Variants in CLYBL observed in about 807,000 individuals in gnomAD.
CLYBL encodes the protein citramalyl-CoA lyase.
A neutral mutation model predicts 38.9 loss-of-function variants in CLYBL; 31 were observed. The ratio of observed to expected loss-of-function variants is 0.80; its 90% CI spans 0.60 to 1.08. The LOEUF (loss-of-function observed/expected upper bound fraction) is 1.08, where lower values mean the gene tolerates loss of function less well. Ranked by LOEUF, CLYBL falls within the 50% of genes least tolerant of loss-of-function variation. CLYBL has a pLI of 0.00. For missense variants in CLYBL, 434 were observed against 411.6 expected (o/e 1.05, Z -0.47); for synonymous variants, 171 against 158.6 (o/e 1.08, Z -0.59).
At chr13:99,698,928 G>A (rs2048019788) in intron 1 of CLYBL, among the ~76,000 whole-genome samples, 3 of 152,268 alleles carry the variant, frequency 2.0e-5, no homozygotes, top group South Asian at 2.1e-4. Context: ...ATAGCACACC[G>A]CCAGAAGGTG....
At chr13:99,901,302 A>G (rs932569842), downstream of CLYBL, among the ~76,000 whole-genome samples, 2 of 152,122 alleles carry the variant, frequency 1.3e-5, no homozygotes, top group African/African-American at 4.8e-5. Flanking sequence ...CTCCCCTTAC[A>G]ATTCCAAAAG....
chr13:99,747,357 G>A, intron 1 of CLYBL, among the ~76,000 whole-genome samples: 1 of 149,604 alleles, frequency 6.7e-6, no homozygotes, highest in East Asian at 2.0e-4. Flanking sequence ...GCTCTCAAAT[G>A]CCCTCTCCCC....
chr13:99,739,719 A>G (rs995942964), intron 1 of CLYBL, among the ~76,000 whole-genome samples: 1 of 152,232 alleles, frequency 6.6e-6, no homozygotes, highest in African/African-American at 2.4e-5. Context: ...CACGCCGGTA[A>G]TCCCAGCACT....
At chr13:99,781,754 A>T (rs1019485497) in intron 2 of CLYBL, among the ~76,000 whole-genome samples, 1 of 152,190 alleles carries the variant, frequency 6.6e-6, no homozygotes, top group Non-Finnish European at 1.5e-5. Flanking sequence ...CGAGGATTAC[A>T]GGTGTGATCT....
chr13:99,725,587 A>G (rs144799062), intron 1 of CLYBL, among the ~76,000 whole-genome samples: 306 of 152,338 alleles, frequency 2.0e-3, no homozygotes, highest in Non-Finnish European at 3.1e-3. Context: ...TCAGTGGGAA[A>G]TGTTAACTGT....
At chr13:99,785,690 A>G (rs2181608) in intron 2 of CLYBL, among the ~76,000 whole-genome samples, 126,324 of 151,636 alleles carry the variant, frequency 0.83, 53,209 homozygotes, top group African/African-American at 0.96. Flanking sequence ...TCTGCCTCCC[A>G]GGTTCAAGCA....
At chr13:99,723,889 T>C (rs915181011) in intron 1 of CLYBL, among the ~76,000 whole-genome samples, 13 of 152,304 alleles carry the variant, frequency 8.5e-5, no homozygotes, top group Non-Finnish European at 1.9e-4. Context: ...GTACCAACAT[T>C]TAATTGTTTT....
At chr13:99,633,289 C>T (rs916917597) in intron 1 of CLYBL, among the ~76,000 whole-genome samples, 1 of 150,226 alleles carries the variant, frequency 6.7e-6, no homozygotes, top group African/African-American at 2.5e-5. Context: ...CCTGTAATCC[C>T]AGCACTTTGA....
At chr13:99,804,851 T>C (rs2050200617) in intron 2 of CLYBL, among the ~76,000 whole-genome samples, 2 of 152,212 alleles carry the variant, frequency 1.3e-5, no homozygotes, top group South Asian at 2.1e-4. Context: ...TGTATAATCA[T>C]CACCACCAGC....
chr13:99,833,696 T>TTTG (rs2050871191), intron 2 of CLYBL, among the ~76,000 whole-genome samples: 1 of 140,278 alleles, frequency 7.1e-6, no homozygotes, highest in African/African-American at 2.7e-5. Flanking sequence ...TTTTTTTTTT[T>TTTG]TTTTTTTTTT....
At chr13:99,863,366 T>C (rs2051657388) in intron 4 of CLYBL, among the ~76,000 whole-genome samples, 2 of 152,264 alleles carry the variant, frequency 1.3e-5, no homozygotes, top group East Asian at 3.8e-4. Context: ...TTTTAACTAA[T>C]CACTGTGTAA....
At chr13:99,635,456 C>A (rs1409772903) in intron 1 of CLYBL, among the ~76,000 whole-genome samples, 1 of 152,128 alleles carries the variant, frequency 6.6e-6, no homozygotes, top group Non-Finnish European at 1.5e-5. Context: ...CCTCATCTCC[C>A]AGTGAGGTCA....
At chr13:99,648,438 C>T (rs151331895) in intron 1 of CLYBL, among the ~76,000 whole-genome samples, 4 of 152,256 alleles carry the variant, frequency 2.6e-5, no homozygotes, top group African/African-American at 9.6e-5. Context: ...GTCCATTGTT[C>T]GTTGAATTCT....
chr13:99,710,881 C>CTTTTT (rs748011707), intron 1 of CLYBL, among the ~76,000 whole-genome samples: 4 of 83,892 alleles, frequency 4.8e-5, no homozygotes, highest in Non-Finnish European at 8.5e-5. Context: ...TTTCTAACCC[C>CTTTTT]TTTTTTTTTT....
intron 2 of CLYBL, among the ~76,000 whole-genome samples, chr13:99,850,597 G>T (rs565496280): frequency 1.3e-5 from 2 of 152,192 alleles, no homozygotes; most frequent in African/African-American, 2.4e-5. Flanking sequence ...TGGTACAGCC[G>T]CTGTGGAAAA....
intron 8 of CLYBL, chr13:99,891,948 A>T (rs1374425613): frequency 6.6e-6 from 1 of 152,380 alleles, no homozygotes; most frequent in Non-Finnish European, 1.5e-5. Context: ...ATATTGGCTT[A>T]AAAAGACACT....
In CLYBL at chr13:99,871,211, A is replaced by G. The variant is rs2051886798; in HGVS notation, c.927+149A>G. The G allele has an allele frequency of 1.6e-5, 14 of 895,752 alleles. No homozygotes were observed. The Admixed American group carries it at 1.6e-4, about 10-fold the overall frequency. The allele number at this position is 895,752 out of a possible 1,614,324, so 55.5% of individuals were successfully genotyped here. A position where few individuals can be genotyped will look rare whatever the true frequency, so the allele number is the denominator to read the frequency against. ...GGGAACACAACATTCACCAGTGAGA[A>G]AATTGCTTGAGATAGATTTGCCCTG... is the stretch of plus-strand genomic sequence containing the variant. On this transcript the variant is annotated intron_variant, in intron 7 of 8. Coordinates refer to ENST00000339105, the MANE Select transcript of CLYBL (RefSeq NM_206808.5).
intron 2 of CLYBL, among the ~76,000 whole-genome samples, chr13:99,836,864 G>A (rs1400766528): frequency 6.6e-6 from 1 of 151,966 alleles, no homozygotes; most frequent in East Asian, 1.9e-4. Flanking sequence ...CACAGGAAGG[G>A]GAACATCACA....
At chr13:99,670,678 A>G (rs1176979522) in intron 1 of CLYBL, among the ~76,000 whole-genome samples, 1 of 152,190 alleles carries the variant, frequency 6.6e-6, no homozygotes, top group Non-Finnish European at 1.5e-5. Context: ...AACAGCAACA[A>G]CAAAAATACG....
Sources: allele counts gnomAD v4.1 joint callset (sites outside exome capture counted in the v4.1 genomes callset), GRCh38; gene constraint gnomAD v4.1.1; transcripts MANE v1.5; gene names NCBI Gene and HGNC (gene_info 2026-07-23, HGNC 2026-07-21).